Variants in MANEA observed in about 807,000 individuals in gnomAD.
MANEA encodes the protein mannosidase endo-alpha.
In MANEA, 25 loss-of-function variants were observed where a neutral mutation model predicts 36.8. The ratio of observed to expected loss-of-function variants is 0.68; its 90% CI spans 0.50 to 0.95. The LOEUF (loss-of-function observed/expected upper bound fraction) is 0.95, where lower values mean the gene tolerates loss of function less well. Ranked by LOEUF, MANEA falls within the 40% of genes least tolerant of loss-of-function variation. The pLI, the probability that MANEA is intolerant of heterozygous loss-of-function variation, is 0.00. For missense variants in MANEA, 565 were observed against 558.8 expected, an observed-to-expected ratio of 1.01 and a Z score of -0.11; for synonymous variants, 198 against 188.5, an observed-to-expected ratio of 1.05 and a Z score of -0.41.
chr6:95,579,131 G>A (rs1185117179), intron 1 of MANEA, among the ~76,000 whole-genome samples: 1 of 152,168 alleles, frequency 6.6e-6, no homozygotes, highest in African/African-American at 2.4e-5. Flanking sequence ...AGCACTTTGG[G>A]AGGCCGAAGT....
chr6:95,591,927 C>T (rs1746829460), intron 2 of MANEA, among the ~76,000 whole-genome samples: 1 of 152,202 alleles, frequency 6.6e-6, no homozygotes, highest in Non-Finnish European at 1.5e-5. Context: ...TGGTCTCGAT[C>T]TCCTGAGCTC....
chr6:95,606,105 C>A lies in MANEA; in HGVS notation c.1089C>A (p.Thr363=), dbSNP rs769551494. ...IPSVGPGYID[T]SIRPWNTQNT... is the part of the protein sequence containing the mutation. ...GTGTGGGCCCAGGATACATAGATAC[C>A]AGCATCCGTCCATGGAACACGCAAA... Residue 363 remains threonine, a synonymous_variant, in exon 5 of 5, where the codon ACC becomes ACA. Coordinates refer to ENST00000358812, the MANE Select transcript of MANEA (RefSeq NM_024641.4). 5.0e-6 allele frequency: 8 copies of A among 1,613,910 alleles called. No individual in the cohort carries two copies. The highest frequency in any genetic ancestry group is 1.7e-5 in the Admixed American group (1 of 60,008).
At chr6:95,585,969 C>T (rs561670205) in intron 1 of MANEA, among the ~76,000 whole-genome samples, 2 of 151,976 alleles carry the variant, frequency 1.3e-5, no homozygotes, top group Non-Finnish European at 2.9e-5. Context: ...TCAAGACCAG[C>T]CTGGTCAACA....
intron 1 of MANEA, among the ~76,000 whole-genome samples, chr6:95,578,062 C>T (rs768434832): frequency 6.6e-5 from 10 of 152,128 alleles, no homozygotes; most frequent in Non-Finnish European, 1.2e-4. Context: ...GGGCCTTGAG[C>T]CGACCGGGAG....
At chr6:95,584,717 A>T (rs937217058) in intron 1 of MANEA, among the ~76,000 whole-genome samples, 11 of 151,980 alleles carry the variant, frequency 7.2e-5, no homozygotes, top group African/African-American at 2.4e-4. Context: ...CCCTTTTGAA[A>T]TTCTTAATAA....
At chr6:95,583,849 A>T in intron 1 of MANEA, among the ~76,000 whole-genome samples, 1 of 152,322 alleles carries the variant, frequency 6.6e-6, no homozygotes, top group South Asian at 2.1e-4. Context: ...ATTAAACAAG[A>T]TTAACCTTAA....
chr6:95,595,999 A>G (rs1769474851), intron 2 of MANEA, among the ~76,000 whole-genome samples: 1 of 152,212 alleles, frequency 6.6e-6, no homozygotes, highest in Admixed American at 6.5e-5. Context: ...ATGGCATATT[A>G]TGCAGCAGTA....
intron 1 of MANEA, among the ~76,000 whole-genome samples, chr6:95,584,786 C>T (rs1769248347): frequency 6.6e-6 from 1 of 152,030 alleles, no homozygotes; most frequent in African/African-American, 2.4e-5. Flanking sequence ...GTGATGTCAC[C>T]CCCGGTGGCC....
chr6:95,582,173 C>CTTTTTT (rs67978183), intron 1 of MANEA, among the ~76,000 whole-genome samples: 9 of 79,386 alleles, frequency 1.1e-4, no homozygotes, highest in African/African-American at 1.4e-4. Context: ...GTTGTATCAT[C>CTTTTTT]TTTTTTTTTT....
intron 1 of MANEA, among the ~76,000 whole-genome samples, chr6:95,578,961 G>A (rs2127936271): frequency 6.6e-6 from 1 of 152,306 alleles, no homozygotes; most frequent in South Asian, 2.1e-4. Flanking sequence ...AGCCAGACTC[G>A]ATCTGCTCCT....
intron 4 of MANEA, among the ~76,000 whole-genome samples, 165 bp downstream of exon 4, chr6:95,605,068 A>G (rs1769673063): frequency 1.3e-5 from 2 of 152,074 alleles, no homozygotes; most frequent in South Asian, 2.1e-4. Context: ...ATTTCGAAGA[A>G]CATTGCTGAA....
intron 2 of MANEA, 40 bp from the exon 3 acceptor site, chr6:95,596,696 TG>T (rs781096022): frequency 8.6e-6 from 9 of 1,047,078 alleles, no homozygotes; most frequent in Middle Eastern, 4.1e-4. Flanking sequence ...TCTGCATTCA[TG>T]TTCTTGTCTT....
rs145483011 is a variant in MANEA, at chr6:95,605,939, A to G, written c.923A>G (p.His308Arg). Residue 308 changes from histidine (H) to arginine (R), a missense_variant, in exon 5 of 5, where the codon CAT (histidine) becomes CGT (arginine). By Grantham distance (29) the His-to-Arg change is conservative. Coordinates refer to ENST00000358812, the MANE Select transcript of MANEA (RefSeq NM_024641.4). ...ATTGCCCTTCTGGTAGAAGAAAAAC[A>G]TAAGTATGATATTCTTCAAAGTGGT... is the stretch of plus-strand genomic sequence containing the variant. The part of the protein sequence containing the change: ...LFIALLVEEK[H>R]KYDILQSGFD... 4.8e-5 allele frequency: 77 copies of G among 1,614,082 alleles called. No homozygotes were observed. The highest frequency in any genetic ancestry group is 4.1e-4 in the African/African-American group (31 of 75,050).
intron 1 of MANEA, among the ~76,000 whole-genome samples, chr6:95,579,965 C>G (rs926100886): frequency 6.6e-6 from 1 of 152,210 alleles, no homozygotes; most frequent in African/African-American, 2.4e-5. Context: ...AATATTTTCT[C>G]TATGGTGACT....
chr6:95,606,238 G>A lies in MANEA; in HGVS notation c.1222G>A (p.Gly408Arg). 1 of 1,613,840 alleles carries A rather than the reference G, an allele frequency of 6.2e-7. No individual in the cohort carries two copies. Among genetic ancestry groups the A allele is most frequent in the Non-Finnish European group, 8.5e-7 (1 of 1,179,938 alleles). ...CACCTCTTTTAATGAGTGGCATGAA[G>A]GAACTCAGATTGAAAAAGCTGTTCC... ...SITSFNEWHE[G>R]TQIEKAVPKR... The change falls in exon 5 of 5, where the codon GGA (glycine) becomes AGA (arginine). Residue 408 changes from glycine (G) to arginine (R), a missense_variant. Gly to Arg is a moderately radical substitution (Grantham distance 125). Transcript: ENST00000358812.
chr6:95,602,431 A>T (rs999116691), intron 3 of MANEA, among the ~76,000 whole-genome samples: 3 of 152,118 alleles, frequency 2.0e-5, no homozygotes, highest in African/African-American at 7.2e-5. Context: ...GCAGGGGTGA[A>T]GGTAGAGAAT....
At chr6:95,585,322 T>C (rs1769261395) in intron 1 of MANEA, among the ~76,000 whole-genome samples, 2 of 152,226 alleles carry the variant, frequency 1.3e-5, no homozygotes, top group African/African-American at 4.8e-5. Flanking sequence ...GTTAATTTTA[T>C]TTTTGGAGAC....
At chr6:95,590,679 C>G (rs540525037) in intron 2 of MANEA, among the ~76,000 whole-genome samples, 59 of 152,120 alleles carry the variant, frequency 3.9e-4, no homozygotes, top group African/African-American at 1.3e-3. Context: ...TGGTGATATT[C>G]CATAAAGCTT....
chr6:95,593,198 C>T (rs1182169046), intron 2 of MANEA, among the ~76,000 whole-genome samples: 1 of 152,296 alleles, frequency 6.6e-6, no homozygotes, highest in South Asian at 2.1e-4. Context: ...TCCCAACACT[C>T]CTCAGAAGTA....
Sources: gnomAD v4.1 joint callset for allele counts (sites outside exome capture counted in the v4.1 genomes callset) on GRCh38, gnomAD v4.1.1 for gene constraint, MANE v1.5 for transcripts, NCBI Gene and HGNC (gene_info 2026-07-23, HGNC 2026-07-21) for gene names.